Variants in BIK observed in about 807,000 individuals in gnomAD.
BIK encodes BCL2 interacting killer, also known as bcl-2-interacting killer.
In BIK, 14 loss-of-function variants were observed where a neutral mutation model predicts 12.1. The ratio of observed to expected loss-of-function variants is 1.16; its 90% CI spans 0.77 to 1.81. BIK has a LOEUF of 1.81. Ranked by LOEUF, BIK falls within the 40% of genes most tolerant of loss-of-function variation. The pLI is 0.00. For missense variants in BIK, 215 were observed against 207.9 expected, an observed-to-expected ratio of 1.03 and a Z score of -0.21; for synonymous variants, 86 against 92.3, an observed-to-expected ratio of 0.93 and a Z score of 0.39.
chr22:43,129,320 A>C lies in BIK; in HGVS notation c.*15A>C. The C allele has an allele frequency of 6.3e-7, 1 of 1,595,978 alleles. No homozygotes were observed. The highest frequency in any genetic ancestry group is 8.5e-7 in the Non-Finnish European group (1 of 1,177,896). On this transcript the variant is annotated 3_prime_UTR_variant, in exon 5 of 5. Coordinates refer to ENST00000216115, the MANE Select transcript of BIK (RefSeq NM_001197.5). ...TGCTCAAGTGAGGCCCCGGCGGCTC[A>C]GGGCGGGGCTGGCCCCACCCCCATG...
chr22:43,128,833 T>TCC (rs1019054611), intron 4 of BIK, among the ~76,000 whole-genome samples: 18 of 152,206 alleles, frequency 1.2e-4, no homozygotes, highest in African/African-American at 3.9e-4. Flanking sequence ...CTCCCTCTGG[T>TCC]CCGAGAGCCT....
At chr22:43,114,603 G>C (rs1426581921) in intron 1 of BIK, among the ~76,000 whole-genome samples, 1 of 152,128 alleles carries the variant, frequency 6.6e-6, no homozygotes, top group African/African-American at 2.4e-5. Flanking sequence ...GCCTGGCCAA[G>C]AGATGACATT....
At chr22:43,126,641 G>A (rs919986894) in intron 2 of BIK, among the ~76,000 whole-genome samples, 3 of 152,066 alleles carry the variant, frequency 2.0e-5, no homozygotes, top group Non-Finnish European at 4.4e-5. Flanking sequence ...CTCTGATGTG[G>A]CACCTCCCAC....
chr22:43,129,064 C>T, intron 4 of BIK, 149 bp from the exon 5 acceptor site: 1 of 1,410,600 alleles, frequency 7.1e-7, no homozygotes, highest in Non-Finnish European at 9.8e-7. Flanking sequence ...CCACTTTCCC[C>T]CTCTCCTGAA....
At chr22:43,115,914 G>A (rs1601728290) in intron 1 of BIK, among the ~76,000 whole-genome samples, 5 of 151,930 alleles carry the variant, frequency 3.3e-5, no homozygotes, top group South Asian at 4.2e-4. Context: ...CCGCCACCAC[G>A]CCCGGCTAAC....
intron 1 of BIK, among the ~76,000 whole-genome samples, chr22:43,115,702 A>ATCCACCTGCCTCAACCT (rs1225907364): frequency 6.6e-6 from 1 of 151,872 alleles, no homozygotes; most frequent in Non-Finnish European, 1.5e-5. Context: ...ACCTCAGTTG[A>ATCCACCTGCCTCAACCT]TCCACCTGCC....
chr22:43,124,313 T>A lies in BIK; in HGVS notation c.161+130T>A, dbSNP rs906126763. 2.2e-5 allele frequency: 25 copies of A among 1,154,732 alleles called. No individual in the cohort carries two copies. In the Admixed American group the frequency reaches 4.8e-4, roughly 22 times the overall value. 71.5% of individuals were successfully genotyped at this position (1,154,732 alleles called of 1,614,324 possible). A position where few individuals can be genotyped will look rare whatever the true frequency, so the allele number is the denominator to read the frequency against. Reference sequence around the variant, plus strand: ...AGGCAGGGCCTCCGAGAGGAAGATTTCCCGGATGTGGGCATGGAGGCTTCT... The same window carrying A: ...AGGCAGGGCCTCCGAGAGGAAGATTACCCGGATGTGGGCATGGAGGCTTCT... On this transcript the variant is annotated intron_variant, in intron 2 of 4. Coordinates refer to ENST00000216115, the MANE Select transcript of BIK (RefSeq NM_001197.5).
At chr22:43,118,690 GCC>G (rs1930164110) in intron 1 of BIK, among the ~76,000 whole-genome samples, 1 of 152,132 alleles carries the variant, frequency 6.6e-6, no homozygotes. Context: ...CCCCAGCGTG[GCC>G]CCTGACCCTC....
chr22:43,129,345 G>A lies in BIK; in HGVS notation c.*40G>A. On this transcript the variant is annotated 3_prime_UTR_variant, in exon 5 of 5. Transcript: ENST00000216115. ...AGGGCGGGGCTGGCCCCACCCCCAT[G>A]ACCACTGCCCTGGAGGTGGCGGCCT... 6.3e-7 allele frequency: 1 copy of A among 1,587,148 alleles called. No individual in the cohort carries two copies. The highest frequency in any genetic ancestry group is 8.5e-7 in the Non-Finnish European group (1 of 1,174,382).
intron 1 of BIK, among the ~76,000 whole-genome samples, chr22:43,111,266 C>T (rs1278644714): frequency 6.6e-6 from 1 of 152,144 alleles, no homozygotes. Flanking sequence ...GCGTCGTGCC[C>T]GGTGCCGCCG....
intron 1 of BIK, among the ~76,000 whole-genome samples, chr22:43,122,745 C>A (rs1255069156): frequency 6.6e-6 from 1 of 152,156 alleles, no homozygotes; most frequent in Admixed American, 6.5e-5. Flanking sequence ...CATTTGGGTT[C>A]ATTTTTCTTA....
intron 1 of BIK, among the ~76,000 whole-genome samples, chr22:43,112,267 C>T (rs1197269322): frequency 2.0e-5 from 3 of 152,122 alleles, no homozygotes; most frequent in Non-Finnish European, 2.9e-5. Flanking sequence ...GGCGCCGTCT[C>T]GGCTAACTGC....
rs1442689639 is a variant in BIK, at chr22:43,128,541, T to C, written c.306T>C (p.Asp102=). The C allele has an allele frequency of 1.2e-6, 2 of 1,613,952 alleles. No homozygotes were observed. Among genetic ancestry groups the C allele is most frequent in the Middle Eastern group, 1.7e-4 (1 of 6,058 alleles). ...FIYDQTEDIR[D]VLRSFMDGFT... ...ACGACCAGACTGAGGACATCAGGGA[T>C]GTTCTTAGAAGTTTCATGGACGGTT... The change falls in exon 4 of 5, where the codon GAT becomes GAC. Residue 102 remains aspartate (D), a synonymous_variant. Transcript: ENST00000216115.
intron 2 of BIK, 135 bp from the exon 3 acceptor site, chr22:43,127,562 C>T (rs1038026524): frequency 4.0e-6 from 3 of 747,368 alleles, no homozygotes; most frequent in East Asian, 2.7e-5. Flanking sequence ...CCACTCACTG[C>T]CTGCCCCAAA....
At chr22:43,116,679 G>A (rs925110445) in intron 1 of BIK, among the ~76,000 whole-genome samples, 2 of 151,950 alleles carry the variant, frequency 1.3e-5, no homozygotes, top group African/African-American at 2.4e-5. Flanking sequence ...GAATGGTTTC[G>A]ATCTCCTGAC....
rs1930400016 is a variant in BIK, at chr22:43,129,585, G to A, written c.*280G>A. On this transcript the variant is annotated 3_prime_UTR_variant, in exon 5 of 5. Transcript: ENST00000216115. ...GGAAGAGCCATTCACTCCTGCCCCT[G>A]CCCACACGGCAGGTAGCAGGGGGAG... The A allele has an allele frequency of 3.9e-6, 2 of 513,010 alleles. No individual in the cohort carries two copies. The highest frequency in any genetic ancestry group is 3.6e-5 in the East Asian group (1 of 27,732). 31.8% of individuals were successfully genotyped at this position (513,010 alleles called of 1,614,324 possible). A position where few individuals can be genotyped will look rare whatever the true frequency, so the allele number is the denominator to read the frequency against.
At chr22:43,127,947 C>CCGCA in intron 3 of BIK, 152 bp downstream of exon 3, 1 of 772,162 alleles carries the variant, frequency 1.3e-6, no homozygotes, top group Non-Finnish European at 2.0e-6. Flanking sequence ...TGGCTGCTTC[C>CCGCA]CGCACCTCTC....
At chr22:43,121,985 C>T (rs1013430089) in intron 1 of BIK, among the ~76,000 whole-genome samples, 2 of 152,238 alleles carry the variant, frequency 1.3e-5, no homozygotes, top group Non-Finnish European at 2.9e-5. Context: ...CCTGTCTCAG[C>T]CTCCCAAAGT....
Position 43,128,617 on chromosome 22 carries a change from G to A in BIK, c.382G>A (p.Gly128Arg), listed in dbSNP as rs746734587. The A allele has an allele frequency of 4.9e-5, 79 of 1,609,516 alleles. No individual in the cohort carries two copies. The highest frequency in any genetic ancestry group is 2.1e-4 in the South Asian group (19 of 90,658). ...IMRFWRSPNPGSWVSCEQVLL... is the reference protein window; with the variant it reads ...IMRFWRSPNPRSWVSCEQVLL... ...GAGGTTCTGGAGATCCCCGAACCCC[G>A]GGTCCTGGGTAAGAGCCTTGAGATC... Residue 128 changes from glycine to arginine, a missense_variant, in exon 4 of 5, where the codon GGG becomes AGG. Coordinates refer to ENST00000216115, the MANE Select transcript of BIK (RefSeq NM_001197.5).
Sources: allele counts gnomAD v4.1 joint callset (sites outside exome capture counted in the v4.1 genomes callset), GRCh38; gene constraint gnomAD v4.1.1; transcripts MANE v1.5; gene names NCBI Gene and HGNC (gene_info 2026-07-23, HGNC 2026-07-21).